Variants in MYO5B observed in about 807,000 individuals in gnomAD.
The protein encoded by MYO5B is myosin VB.
MYO5B carries 143 observed loss-of-function variants against 229.3 expected under a neutral mutation model. The ratio of observed to expected loss-of-function variants is 0.62; its 90% CI spans 0.54 to 0.72. The LOEUF is 0.72. Ranked by LOEUF, MYO5B falls within the 30% of genes least tolerant of loss-of-function variation. The pLI, the probability that MYO5B is intolerant of heterozygous loss-of-function variation, is 0.00. For synonymous variants in MYO5B, 918 were observed against 885.2 expected, an observed-to-expected ratio of 1.04 and a Z score of -0.66; for missense variants, 2,321 against 2,331.0, an observed-to-expected ratio of 1.00 and a Z score of 0.09.
chr18:50,012,843 T>G (rs2026177376), intron 4 of MYO5B, among the ~76,000 whole-genome samples: 1 of 152,174 alleles, frequency 6.6e-6, no homozygotes, highest in Non-Finnish European at 1.5e-5. Context: ...TCCTTCCTCC[T>G]CCCATGCAAG....
At chr18:50,106,341 T>C (rs1176635883) in intron 1 of MYO5B, among the ~76,000 whole-genome samples, 1 of 152,072 alleles carries the variant, frequency 6.6e-6, no homozygotes, top group Non-Finnish European at 1.5e-5. Flanking sequence ...AAAATGTAAA[T>C]CAAATAATTT....
rs141847813 is a variant in MYO5B at position 50,080,145 on chromosome 18, C to G, written c.28-24767G>C. On this transcript the variant is annotated intron_variant, in intron 1 of 39. Coordinates refer to ENST00000285039, the MANE Select transcript of MYO5B (RefSeq NM_001080467.3). ...CCAAACAAGCTCTGGACTCAGGAAA[C>G]AACCCATCAACCAGTACCGCTTTAA... Among the ~76,000 whole-genome samples the G allele has an allele frequency of 9.8e-5, 15 of 152,308 alleles. No individual in the cohort carries two copies. The East Asian group carries it at 2.9e-3, about 29-fold the overall frequency.
chr18:50,160,641 G>T (rs571261446), intron 1 of MYO5B, among the ~76,000 whole-genome samples: 1 of 152,216 alleles, frequency 6.6e-6, no homozygotes, highest in South Asian at 2.1e-4. Flanking sequence ...GGGTCGGGGG[G>T]TGGCTTGGGG....
intron 17 of MYO5B, among the ~76,000 whole-genome samples, chr18:49,918,020 G>A (rs1300291141): frequency 6.6e-6 from 1 of 152,350 alleles, no homozygotes; most frequent in South Asian, 2.1e-4. Context: ...GAACCCACCA[G>A]TCTGGAAAGA....
At position 49,894,963 on chromosome 18, in the gene MYO5B, C is replaced by G; in HGVS notation, c.3023G>C (p.Arg1008Thr). Residue 1008 changes from arginine to threonine, a missense_variant, in exon 22 of 40, where the codon AGG (arginine) becomes ACG (threonine). Physicochemically the swap from Arg to Thr is moderately conservative, Grantham distance 71 (BLOSUM62 -1). Transcript: ENST00000285039. ...TACCTTCCTCAGCTCATCTTTCTCC[C>G]TGCTGTGGGCGTCCTCCAAGATCTT... The part of the protein sequence containing the change: ...ERKILEDAHS[R>T]EKDELRKRVA... 2 of 1,613,398 alleles carry G rather than the reference C, an allele frequency of 1.2e-6. No homozygotes were observed. Among genetic ancestry groups the G allele is most frequent in the South Asian group, 2.2e-5 (2 of 91,084 alleles).
rs186914879 is a variant in MYO5B, at chr18:50,083,680, G to A, written c.28-28302C>T. ...CAGTTAACTTTAATTCAGAGCCTCAGAGGGTTTCCCCTCATCTGTTCAACC... is the reference window on the plus strand; with the variant it reads ...CAGTTAACTTTAATTCAGAGCCTCAAAGGGTTTCCCCTCATCTGTTCAACC... On this transcript the variant is annotated intron_variant, in intron 1 of 39. Transcript: ENST00000285039. 1.1e-3 allele frequency among the ~76,000 whole-genome samples: 167 copies of A among 152,298 alleles called. 1 individual carries two copies. The highest frequency in any genetic ancestry group is 3.9e-3 in the African/African-American group (161 of 41,568).
chr18:50,072,624 G>A (rs2030984743), intron 1 of MYO5B, among the ~76,000 whole-genome samples: 1 of 152,214 alleles, frequency 6.6e-6, no homozygotes, highest in African/African-American at 2.4e-5. Context: ...GTGGGCATGA[G>A]ATGACAGCAC....
chr18:49,871,017 A>C (rs1238354671), intron 27 of MYO5B, among the ~76,000 whole-genome samples: 3 of 152,234 alleles, frequency 2.0e-5, no homozygotes, highest in Admixed American at 2.0e-4. Flanking sequence ...AGCATTATTC[A>C]CAATAGCCAA....
At chr18:49,889,531 TG>T (rs1206658151) in intron 22 of MYO5B, among the ~76,000 whole-genome samples, 6 of 152,222 alleles carry the variant, frequency 3.9e-5, no homozygotes, top group Non-Finnish European at 8.8e-5. Context: ...AGTCAACTAC[TG>T]GTAGGTTTTA....
At chr18:50,110,427 T>C (rs1599028210) in intron 1 of MYO5B, among the ~76,000 whole-genome samples, 1 of 152,170 alleles carries the variant, frequency 6.6e-6, no homozygotes, top group Non-Finnish European at 1.5e-5. Context: ...ATTTGGAAGA[T>C]AGTGCTTTCT....
chr18:49,871,010 A>G (rs2024450370), intron 27 of MYO5B, among the ~76,000 whole-genome samples: 1 of 152,242 alleles, frequency 6.6e-6, no homozygotes, highest in Non-Finnish European at 1.5e-5. Flanking sequence ...TCAGTACAGC[A>G]TTATTCACAA....
At chr18:50,075,020 A>G (rs1332444429) in intron 1 of MYO5B, among the ~76,000 whole-genome samples, 1 of 151,912 alleles carries the variant, frequency 6.6e-6, no homozygotes, top group Non-Finnish European at 1.5e-5. Context: ...CTGGTCTCGA[A>G]CTCCTGACCT....
intron 1 of MYO5B, among the ~76,000 whole-genome samples, chr18:50,149,887 G>C (rs988005406): frequency 2.7e-5 from 4 of 148,054 alleles, no homozygotes; most frequent in African/African-American, 9.9e-5. Context: ...CCATCAGAGT[G>C]AACAGGCAAC....
intron 9 of MYO5B, among the ~76,000 whole-genome samples, chr18:49,978,889 G>T (rs2025783918): frequency 6.6e-6 from 1 of 152,116 alleles, no homozygotes; most frequent in African/African-American, 2.4e-5. Context: ...CCTCTTACCA[G>T]CCTCAGCCAG....
At chr18:49,997,267 TAAAAAAAA>T (rs58927375) in intron 5 of MYO5B, among the ~76,000 whole-genome samples, 99 of 101,194 alleles carry the variant, frequency 9.8e-4, no homozygotes, top group African/African-American at 4.0e-3. Flanking sequence ...GTCCTGTCTT[TAAAAAAAA>T]AAAAAAAAAA....
At chr18:49,976,541 A>T (rs1052285665) in intron 9 of MYO5B, among the ~76,000 whole-genome samples, 3 of 152,232 alleles carry the variant, frequency 2.0e-5, no homozygotes, top group Admixed American at 2.0e-4. Context: ...TAGATATTTT[A>T]AGAAGCATTT....
intron 1 of MYO5B, among the ~76,000 whole-genome samples, chr18:50,099,637 T>A (rs2031616966): frequency 6.6e-6 from 1 of 152,204 alleles, no homozygotes; most frequent in African/African-American, 2.4e-5. Context: ...TAGGGGTGAT[T>A]TGGGCCCCCA....
chr18:49,979,253 A>T (rs888605177), intron 9 of MYO5B, among the ~76,000 whole-genome samples: 1 of 152,174 alleles, frequency 6.6e-6, no homozygotes, highest in African/African-American at 2.4e-5. Flanking sequence ...TGTCCAAAAC[A>T]GCTCCAGGGC....
intron 33 of MYO5B, among the ~76,000 whole-genome samples, chr18:49,844,026 CA>C (rs2024095587): frequency 6.6e-6 from 1 of 152,222 alleles, no homozygotes; most frequent in South Asian, 2.1e-4. Flanking sequence ...TGCATCTCTC[CA>C]GCGGCTCTCT....
Sources: allele counts gnomAD v4.1 joint callset (sites outside exome capture counted in the v4.1 genomes callset), GRCh38; gene constraint gnomAD v4.1.1; transcripts MANE v1.5; gene names NCBI Gene and HGNC (gene_info 2026-07-23, HGNC 2026-07-21).